EP400: variants seen among roughly 807,000 people sequenced by gnomAD.
EP400 encodes the protein E1A-binding protein p400.
A neutral mutation model predicts 354.1 loss-of-function variants in EP400; 105 were observed. That is an observed-to-expected ratio of 0.30 (90% confidence interval 0.25 to 0.35). The LOEUF (loss-of-function observed/expected upper bound fraction) is 0.35, where lower values mean the gene tolerates loss of function less well. Ranked by LOEUF, EP400 falls within the 10% of genes least tolerant of loss-of-function variation. EP400 has a pLI of 1.00. For synonymous variants in EP400, 1,646 were observed against 1,716.9 expected (o/e 0.96, Z 1.02); for missense variants, 3,280 against 4,121.0 (o/e 0.80, Z 5.59).
At chr12:132,076,474 C>T (rs757547230) in intron 51 of EP400, 42 bp from the exon 52 acceptor site, 2 of 1,596,654 alleles carry the variant, frequency 1.3e-6, no homozygotes, top group Non-Finnish European at 1.7e-6. Context: ...TGTGCACATA[C>T]TCCTTTGAAT....
intron 13 of EP400, among the ~76,000 whole-genome samples, chr12:132,005,769 A>G (rs1593340924): frequency 6.6e-6 from 1 of 151,510 alleles, no homozygotes; most frequent in East Asian, 1.9e-4. Context: ...TTTCTTGGTG[A>G]TAGACGGGAG....
rs1309591972 is a variant in EP400, at chr12:132,067,179, T to C, written c.8750-183T>C. ...CTGTTAACATTCTGAAATTTCCGTC[T>C]TAATTTAAGTGTAATTTGTGAACCC... On this transcript the variant is annotated intron_variant, in intron 49 of 52. Transcript: ENST00000389561. This position sits in a 1 kb window ranked among gnomAD's most constrained non-coding sequence, Gnocchi z 5.3. 8.5e-6 allele frequency: 10 copies of C among 1,177,458 alleles called. No individual in the cohort carries two copies. In the African/African-American group the frequency reaches 1.5e-4, roughly 18 times the overall value. 72.9% of individuals were successfully genotyped at this position (1,177,458 alleles called of 1,614,324 possible).
intron 1 of EP400, among the ~76,000 whole-genome samples, chr12:131,950,716 C>G (rs1160748879): frequency 5.3e-5 from 8 of 152,192 alleles, no homozygotes; most frequent in South Asian, 2.1e-4. Context: ...TCAGCTGTCG[C>G]TGTGTCAGTG....
At chr12:131,962,270 C>T (rs1891911469) in intron 2 of EP400, among the ~76,000 whole-genome samples, 1 of 152,170 alleles carries the variant, frequency 6.6e-6, no homozygotes, top group South Asian at 2.1e-4. Context: ...GCAAGCGTGT[C>T]CAGTTTTTTT....
At chr12:132,076,046 A>G (rs1053791320) in intron 51 of EP400, 1 of 222,570 alleles carries the variant, frequency 4.5e-6, no homozygotes, top group Non-Finnish European at 9.2e-6. Flanking sequence ...GAATGTAGAA[A>G]AATGATAAAA....
chr12:132,060,751 C>T lies in EP400; in HGVS notation c.7885-1359C>T, dbSNP rs148477529. On this transcript the variant is annotated intron_variant, in intron 45 of 52. Coordinates refer to ENST00000389561, the MANE Select transcript of EP400 (RefSeq NM_015409.5). ...CCAACATGGAGAAACCCCATCTCTA[C>T]CAAAATTACAAAATTAGCTGGGCGT... is the stretch of plus-strand genomic sequence containing the variant. 4.5e-3 allele frequency among the ~76,000 whole-genome samples: 684 copies of T among 152,066 alleles called. 1 individual carries two copies. Among genetic ancestry groups the T allele is most frequent in the Admixed American group, 7.3e-3 (111 of 15,276 alleles).
rs1027298013 is a variant in EP400, at chr12:132,027,932, T to G, written c.5110-85T>G. On this transcript the variant is annotated intron_variant, in intron 26 of 52. Coordinates refer to ENST00000389561, the MANE Select transcript of EP400 (RefSeq NM_015409.5). This position sits in a 1 kb window ranked among gnomAD's most constrained non-coding sequence, Gnocchi z 4.9. The stretch of plus-strand genomic sequence containing the variant: ...TGAAGTGGATCTCATATGTGGGAAA[T>G]CACGGGCTGGGTGGGGGGTTGGTGA... 2.3e-5 allele frequency: 33 copies of G among 1,458,878 alleles called. No individual in the cohort carries two copies. The highest frequency in any genetic ancestry group is 2.8e-5 in the Non-Finnish European group (30 of 1,067,620). 90.4% of individuals were successfully genotyped at this position (1,458,878 alleles called of 1,614,324 possible). A position where few individuals can be genotyped will look rare whatever the true frequency, so the allele number is the denominator to read the frequency against.
At chr12:132,064,924 T>G in intron 48 of EP400, 38 bp downstream of exon 48, 1 of 1,558,988 alleles carries the variant, frequency 6.4e-7, no homozygotes. Flanking sequence ...AAAAGCAGCA[T>G]CTTTTTATGT....
intron 16 of EP400, among the ~76,000 whole-genome samples, chr12:132,012,701 C>G (rs1197839159): frequency 6.6e-6 from 1 of 152,162 alleles, no homozygotes; most frequent in Non-Finnish European, 1.5e-5. Flanking sequence ...TGATTAGATA[C>G]TAGAAGAGCT....
intron 2 of EP400, among the ~76,000 whole-genome samples, chr12:131,979,022 C>T (rs1249531256): frequency 6.6e-6 from 1 of 152,020 alleles, no homozygotes; most frequent in Admixed American, 6.6e-5. Context: ...CAAGACCATC[C>T]TGGCTAATGC....
chr12:132,010,456 G>A (rs974501425), intron 15 of EP400, among the ~76,000 whole-genome samples: 1 of 152,026 alleles, frequency 6.6e-6, no homozygotes, highest in Non-Finnish European at 1.5e-5. Flanking sequence ...CATATCCTTT[G>A]TTTATTTTCT....
rs7488845 is a variant in EP400 at position 132,054,906 on chromosome 12, G to A, written c.7729-68G>A. 128,794 of 1,485,442 alleles carry A rather than the reference G, an allele frequency of 0.087. 6,958 individuals carry two copies. The highest frequency in any genetic ancestry group is 0.25 in the African/African-American group (17,678 of 71,816). 92.0% of individuals were successfully genotyped at this position (1,485,442 alleles called of 1,614,324 possible). A position where few individuals can be genotyped will look rare whatever the true frequency, so the allele number is the denominator to read the frequency against. On this transcript the variant is annotated intron_variant, in intron 43 of 52. Transcript: ENST00000389561. This position sits in a 1 kb window ranked among gnomAD's most constrained non-coding sequence, Gnocchi z 4.0. ...GGATTTGATTCTGAATGAAGTGGAA[G>A]CCTTTGGAGGATTTATGCAGGGGAG... is the stretch of plus-strand genomic sequence containing the variant.
At position 132,070,109 on chromosome 12, in the gene EP400, G is replaced by A. The variant is rs1289056884; in HGVS notation, c.9021+468G>A. On this transcript the variant is annotated intron_variant, in intron 51 of 52. Coordinates refer to ENST00000389561, the MANE Select transcript of EP400 (RefSeq NM_015409.5). This position sits in a 1 kb window ranked among gnomAD's most constrained non-coding sequence, Gnocchi z 4.1. ...AGCTTTTATGTCCTGCTTCCTCCCA[G>A]AGCTTATGGAGTTACCTCCCTGCAT... 1.3e-5 allele frequency among the ~76,000 whole-genome samples: 2 copies of A among 152,096 alleles called. No homozygotes were observed. Among genetic ancestry groups the A allele is most frequent in the African/African-American group, 4.8e-5 (2 of 41,404 alleles).
Position 132,053,152 on chromosome 12 carries a change from C to T in EP400, c.7401C>T (p.Ile2467=), listed in dbSNP as rs1435681426. The T allele has an allele frequency of 6.2e-7, 1 of 1,614,046 alleles. No homozygotes were observed. Among genetic ancestry groups the T allele is most frequent in the Non-Finnish European group, 8.5e-7 (1 of 1,179,996 alleles). ...KHASVLAESG[I]NYDKPLPPIQ... ...CTTTGCGTCTGTCTTTCAGTGGAAT[C>T]AACTATGACAAGCCGCTGCCTCCCA... The change falls in exon 42 of 53, where the codon ATC becomes ATT. Residue 2467 remains isoleucine, a synonymous_variant. Coordinates refer to ENST00000389561, the MANE Select transcript of EP400 (RefSeq NM_015409.5).
At chr12:131,999,304 C>T (rs1053751738) in intron 12 of EP400, among the ~76,000 whole-genome samples, 5 of 152,148 alleles carry the variant, frequency 3.3e-5, no homozygotes, top group Admixed American at 2.0e-4. Context: ...CTCTTCACTG[C>T]TGCTCTCAGG....
chr12:131,970,343 A>G (rs376400694), intron 2 of EP400, among the ~76,000 whole-genome samples: 1 of 151,986 alleles, frequency 6.6e-6, no homozygotes, highest in Non-Finnish European at 1.5e-5. Flanking sequence ...GTAGAGCTGT[A>G]GGATTCTCAT....
intron 15 of EP400, among the ~76,000 whole-genome samples, chr12:132,009,004 C>A (rs539397704): frequency 8.6e-5 from 12 of 139,708 alleles, no homozygotes; most frequent in South Asian, 7.1e-4. Flanking sequence ...GCCCTGACTT[C>A]CCAGGTGCAA....
At chr12:132,077,249 G>GTCA in intron 52 of EP400, 152 bp from the exon 53 acceptor site, 1 of 967,682 alleles carries the variant, frequency 1.0e-6, no homozygotes, top group East Asian at 2.5e-5. Flanking sequence ...GAAACCAGAG[G>GTCA]TCATACTGTT....
At chr12:132,072,722 T>A (rs1270326712) in intron 51 of EP400, among the ~76,000 whole-genome samples, 1 of 152,248 alleles carries the variant, frequency 6.6e-6, no homozygotes. Context: ...CAATCACTTG[T>A]GTTACTAGTT....
Sources: gnomAD v4.1 joint callset for allele counts (sites outside exome capture counted in the v4.1 genomes callset) on GRCh38, gnomAD v4.1.1 for gene constraint, Gnocchi (gnomAD v3.1) non-coding constraint, MANE v1.5 for transcripts, NCBI Gene and HGNC (gene_info 2026-07-23, HGNC 2026-07-21) for gene names.